NRXN3: variants seen among roughly 807,000 people sequenced by gnomAD.
NRXN3 encodes neurexin III.
A neutral mutation model predicts 137.6 loss-of-function variants in NRXN3; 32 were observed. That is an observed-to-expected ratio of 0.23 (90% CI 0.18 to 0.31). NRXN3 has a LOEUF of 0.31. NRXN3 is among the 10% of genes least tolerant of loss of function. The probability of loss-of-function intolerance (pLI) is 1.00; values close to 1 mark genes in which losing one functional copy is unlikely to be tolerated. For synonymous variants in NRXN3, 798 were observed against 784.5 expected, an observed-to-expected ratio of 1.02 and a Z score of -0.29; for missense variants, 1,574 against 2,062.5, an observed-to-expected ratio of 0.76 and a Z score of 4.59.
At chr14:79,320,697 T>A (rs959113018) in intron 15 of NRXN3, among the ~76,000 whole-genome samples, 4 of 152,122 alleles carry the variant, frequency 2.6e-5, no homozygotes, top group African/African-American at 9.7e-5. Context: ...ATTTAAAAGA[T>A]TAAAGGAGCT....
chr14:79,305,832 T>C (rs1189913172), intron 15 of NRXN3, among the ~76,000 whole-genome samples: 3 of 152,028 alleles, frequency 2.0e-5, no homozygotes, highest in East Asian at 3.9e-4. Context: ...CAAACTTACA[T>C]TGGAAGATCC....
At chr14:79,365,347 AC>A (rs1274310782) in intron 15 of NRXN3, among the ~76,000 whole-genome samples, 1 of 151,994 alleles carries the variant, frequency 6.6e-6, no homozygotes, top group African/African-American at 2.4e-5. Context: ...TTTATTTCTT[AC>A]CCCAAACATA....
At chr14:78,800,305 C>A (rs983863171) in intron 8 of NRXN3, among the ~76,000 whole-genome samples, 1 of 152,118 alleles carries the variant, frequency 6.6e-6, no homozygotes, top group Non-Finnish European at 1.5e-5. Flanking sequence ...ATAATAAAGT[C>A]TTCATGGTGT....
At position 79,114,233 on chromosome 14, in the gene NRXN3, C is replaced by G. The variant is rs117082356; in HGVS notation, c.3262+126092C>G. Among the ~76,000 whole-genome samples the G allele has an allele frequency of 7.9e-5, 12 of 152,298 alleles. No homozygotes were observed. The East Asian group carries it at 2.1e-3, about 27-fold the overall frequency. ...TAGTGGGTAGAGGCCAGGGGTGCTG[C>G]TAAACATCCTACAGGGCACAGGACA... On this transcript the variant is annotated intron_variant, in intron 15 of 20. Transcript: ENST00000335750.
chr14:79,133,522 C>T (rs1177014752), intron 15 of NRXN3, among the ~76,000 whole-genome samples: 5 of 152,096 alleles, frequency 3.3e-5, no homozygotes, highest in African/African-American at 9.7e-5. Context: ...CCTGTTATCT[C>T]TTTGAAGACA....
chr14:79,234,172 C>A (rs1029972319), intron 15 of NRXN3, among the ~76,000 whole-genome samples: 4 of 150,784 alleles, frequency 2.7e-5, no homozygotes, highest in African/African-American at 9.7e-5. Flanking sequence ...TGCTGACATA[C>A]TTGAGGTCTC....
intron 15 of NRXN3, among the ~76,000 whole-genome samples, chr14:79,195,104 G>T (rs575298192): frequency 6.6e-6 from 1 of 152,166 alleles, no homozygotes; most frequent in South Asian, 2.1e-4. Context: ...GATAACGAAT[G>T]ATGTCTCTTG....
intron 4 of NRXN3, among the ~76,000 whole-genome samples, chr14:78,425,200 A>G (rs2093614853): frequency 6.6e-6 from 1 of 152,180 alleles, no homozygotes; most frequent in Non-Finnish European, 1.5e-5. Flanking sequence ...CAAGCTATTT[A>G]ATTTTTGAAA....
chr14:79,552,888 C>T (rs1396831678), intron 16 of NRXN3, among the ~76,000 whole-genome samples: 4 of 152,080 alleles, frequency 2.6e-5, no homozygotes, highest in African/African-American at 9.7e-5. Context: ...TGTGGGTGCC[C>T]TGGAGGTAGA....
chr14:79,619,010 A>C (rs2098192437), intron 16 of NRXN3, among the ~76,000 whole-genome samples: 1 of 152,052 alleles, frequency 6.6e-6, no homozygotes, highest in Admixed American at 6.6e-5. Flanking sequence ...TCTTCTTTTG[A>C]GAAGTGTCCG....
At chr14:79,106,892 A>G (rs2052547302) in intron 15 of NRXN3, among the ~76,000 whole-genome samples, 1 of 152,146 alleles carries the variant, frequency 6.6e-6, no homozygotes, top group African/African-American at 2.4e-5. Context: ...TTTGCTATTT[A>G]TTTCCAAATA....
chr14:79,473,493 C>A (rs1567221644), intron 16 of NRXN3, among the ~76,000 whole-genome samples: 1 of 152,052 alleles, frequency 6.6e-6, no homozygotes, highest in Non-Finnish European at 1.5e-5. Flanking sequence ...TGGGATAGTC[C>A]TTAGTAAGGT....
chr14:79,326,780 T>C lies in NRXN3; in HGVS notation c.3263-140441T>C, dbSNP rs149791234. ...TGCCAGATGGCCCTTATTTACCAAA[T>C]ATATGTTTTAGTTTTATATACGAAC... On this transcript the variant is annotated intron_variant, in intron 15 of 20. Coordinates refer to ENST00000335750, the MANE Select transcript of NRXN3 (RefSeq NM_001330195.2). Among the ~76,000 whole-genome samples the C allele has an allele frequency of 1.1e-4, 17 of 152,300 alleles. No individual in the cohort carries two copies. In the East Asian group the frequency reaches 2.9e-3, roughly 26 times the overall value.
At chr14:78,317,405 C>T (rs570861216) in intron 4 of NRXN3, among the ~76,000 whole-genome samples, 2 of 152,258 alleles carry the variant, frequency 1.3e-5, no homozygotes, top group South Asian at 4.1e-4. Context: ...GGAGTGCAAA[C>T]CTTATTGGGA....
At chr14:79,172,633 G>T (rs2061899581) in intron 15 of NRXN3, among the ~76,000 whole-genome samples, 1 of 152,078 alleles carries the variant, frequency 6.6e-6, no homozygotes, top group African/African-American at 2.4e-5. Flanking sequence ...AAAGACTATG[G>T]TTTTGAGTGG....
intron 15 of NRXN3, among the ~76,000 whole-genome samples, chr14:79,441,346 T>A (rs2095941890): frequency 6.9e-6 from 1 of 145,456 alleles, no homozygotes; most frequent in Non-Finnish European, 1.5e-5. Context: ...TGAAAGAATA[T>A]CCCTGGACAA....
chr14:78,425,174 C>A (rs1028718493), intron 4 of NRXN3, among the ~76,000 whole-genome samples: 1 of 152,222 alleles, frequency 6.6e-6, no homozygotes. Context: ...GCCACTTCCT[C>A]GATCTTTAAC....
chr14:78,600,982 C>T (rs1004790021), intron 4 of NRXN3, among the ~76,000 whole-genome samples: 3 of 152,192 alleles, frequency 2.0e-5, no homozygotes, highest in African/African-American at 7.2e-5. Context: ...TTCTACTTCT[C>T]AAATATCTTT....
chr14:79,401,178 T>C (rs773628473), intron 15 of NRXN3, among the ~76,000 whole-genome samples: 71 of 152,196 alleles, frequency 4.7e-4, no homozygotes, highest in Admixed American at 9.8e-4. Context: ...TAAAATATTT[T>C]CAAAAATAAA....
Sources: gnomAD v4.1 joint callset for allele counts (sites outside exome capture counted in the v4.1 genomes callset) on GRCh38, gnomAD v4.1.1 for gene constraint, MANE v1.5 for transcripts, NCBI Gene and HGNC (gene_info 2026-07-23, HGNC 2026-07-21) for gene names.